Variants in VPS13C observed in about 807,000 individuals in gnomAD.
VPS13C encodes the protein intermembrane lipid transfer protein VPS13C.
VPS13C carries 358 observed loss-of-function variants against 456.8 expected under a neutral mutation model. That is an observed-to-expected ratio of 0.78 (90% CI 0.72 to 0.86). The LOEUF is 0.86. Among genes scored for constraint, VPS13C ranks in the 40% least tolerant of loss-of-function variants. The pLI, the probability that VPS13C is intolerant of heterozygous loss-of-function variation, is 0.00. For synonymous variants in VPS13C, 1,578 were observed against 1,486.7 expected (o/e 1.06, Z -1.41); for missense variants, 4,818 against 4,385.4 (o/e 1.10, Z -2.79).
In VPS13C at chr15:61,931,349, G is replaced by A. The variant is rs1230604195; in HGVS notation, c.5869-90C>T. Reference sequence around the variant, plus strand: ...ATATTACTTAATTCAAAACTTAAAGGCAAACTGATCTCATGAATTTTAAAA... The same window carrying A: ...ATATTACTTAATTCAAAACTTAAAGACAAACTGATCTCATGAATTTTAAAA... On this transcript the variant is annotated intron_variant, in intron 49 of 84. Coordinates refer to ENST00000644861, the MANE Select transcript of VPS13C (RefSeq NM_020821.3). 3.1e-6 allele frequency: 4 copies of A among 1,293,438 alleles called. No homozygotes were observed. In the Admixed American group the frequency reaches 8.5e-5, roughly 27 times the overall value. The allele number at this position is 1,293,438 out of a possible 1,614,324, so 80.1% of individuals were successfully genotyped here.
intron 45 of VPS13C, among the ~76,000 whole-genome samples, chr15:61,944,758 C>T (rs972334087): frequency 6.6e-6 from 1 of 151,986 alleles, no homozygotes; most frequent in South Asian, 2.1e-4. Flanking sequence ...CCCATGTATG[C>T]CCTGAATCTA....
chr15:61,941,983 T>G lies in VPS13C; in HGVS notation c.5233A>C (p.Lys1745Gln), dbSNP rs759925994. 6.2e-7 allele frequency: 1 copy of G among 1,614,052 alleles called. No homozygotes were observed. The highest frequency in any genetic ancestry group is 8.5e-7 in the Non-Finnish European group (1 of 1,179,920). ...CGGAAACTCTTTTGAGCCAAGTCTT[T>G]CATGCTGGAAGCAGCTCTTTCTGCA... ...QAAERAASSM[K>Q]DLAQKSFRLL... Residue 1745 changes from lysine (K) to glutamine (Q), a missense_variant, in exon 46 of 85, where the codon AAA (lysine) becomes CAA (glutamine). By Grantham distance (53) the Lys-to-Gln change is moderately conservative. Around this residue, in one of 3 missense-constraint regions of VPS13C, gnomAD observed 4,552 missense variants for 4,130.6 expected, o/e 1.10. Coordinates refer to ENST00000644861, the MANE Select transcript of VPS13C (RefSeq NM_020821.3).
intron 42 of VPS13C, 46 bp from the exon 43 acceptor site, chr15:61,947,355 T>C (rs2044640828): frequency 3.0e-6 from 4 of 1,348,636 alleles, no homozygotes; most frequent in Non-Finnish European, 3.1e-6. Context: ...GAAAAGATAA[T>C]ACAACACATA....
chr15:61,930,131 A>G (rs1300141970), intron 50 of VPS13C, among the ~76,000 whole-genome samples: 1 of 152,226 alleles, frequency 6.6e-6, no homozygotes, highest in Non-Finnish European at 1.5e-5. Flanking sequence ...GCCTTTTAAT[A>G]TTATTTATGA....
intron 66 of VPS13C, among the ~76,000 whole-genome samples, chr15:61,906,466 G>A (rs1344203658): frequency 6.6e-6 from 1 of 152,250 alleles, no homozygotes; most frequent in East Asian, 1.9e-4. Context: ...CTTCTCTCTA[G>A]TATCTACATG....
chr15:61,891,617 T>C (rs1232444706), intron 66 of VPS13C, among the ~76,000 whole-genome samples: 2 of 152,236 alleles, frequency 1.3e-5, no homozygotes, highest in African/African-American at 2.4e-5. Context: ...CAGGTAATTG[T>C]GTTTCAGTTA....
intron 21 of VPS13C, 124 bp from the exon 22 acceptor site, chr15:61,981,602 T>C: frequency 1.0e-6 from 1 of 970,736 alleles, no homozygotes; most frequent in South Asian, 2.1e-5. Flanking sequence ...GGCTCACGCC[T>C]GTCATCCCAG....
intron 22 of VPS13C, among the ~76,000 whole-genome samples, chr15:61,980,559 T>C (rs955307624): frequency 6.6e-6 from 1 of 152,192 alleles, no homozygotes; most frequent in Non-Finnish European, 1.5e-5. Context: ...TTGTATAAGA[T>C]TTCCTATGAG....
chr15:61,959,263 G>A (rs2045112244), intron 36 of VPS13C, among the ~76,000 whole-genome samples, 185 bp downstream of exon 36: 1 of 151,932 alleles, frequency 6.6e-6, no homozygotes, highest in Admixed American at 6.6e-5. Flanking sequence ...AAATTTTAAA[G>A]TTAAGAAATC....
rs67220908 is a variant in VPS13C, at chr15:62,012,221, G to GACACAC, written c.826-63_826-58dup. ...GAAAATGCACACATATTCAGACTCA[G>GACACAC]ACACACACACACACACACACACACA... On this transcript the variant is annotated intron_variant, in intron 11 of 84. Transcript: ENST00000644861. 18,664 of 510,154 alleles carry GACACAC rather than the reference G, an allele frequency of 0.037. 309 individuals carry two copies. Among genetic ancestry groups the GACACAC allele is most frequent in the Middle Eastern group, 0.045 (131 of 2,918 alleles). The allele number at this position is 510,154 out of a possible 1,614,324, so 31.6% of individuals were successfully genotyped here. A position where few individuals can be genotyped will look rare whatever the true frequency, so the allele number is the denominator to read the frequency against.
At chr15:61,966,240 G>A in intron 29 of VPS13C, 98 bp from the exon 30 acceptor site, 4 of 738,762 alleles carry the variant, frequency 5.4e-6, no homozygotes, top group Non-Finnish European at 8.5e-6. Flanking sequence ...AGTTATAAAT[G>A]TATTTTATAT....
intron 9 of VPS13C, among the ~76,000 whole-genome samples, chr15:62,017,513 G>A (rs1411170094): frequency 6.6e-6 from 1 of 152,158 alleles, no homozygotes; most frequent in Non-Finnish European, 1.5e-5. Context: ...TGGCTAGCCA[G>A]TTTTCCCAGC....
chr15:61,897,984 T>C lies in VPS13C; in HGVS notation c.9106-7584A>G, dbSNP rs545713650. On this transcript the variant is annotated intron_variant, in intron 66 of 84. Transcript: ENST00000644861. Reference sequence around the variant, plus strand: ...AAGAAAAGAATTTTCAACCCAGAATTTCATATCCAGCCAAACTAAGCTTCA... The same window carrying C: ...AAGAAAAGAATTTTCAACCCAGAATCTCATATCCAGCCAAACTAAGCTTCA... Among the ~76,000 whole-genome samples the C allele has an allele frequency of 3.9e-5, 6 of 152,178 alleles. No homozygotes were observed. The East Asian group carries it at 1.2e-3, about 29-fold the overall frequency.
At chr15:61,857,172 A>C (rs976765028) in intron 82 of VPS13C, among the ~76,000 whole-genome samples, 14 of 152,326 alleles carry the variant, frequency 9.2e-5, no homozygotes, top group African/African-American at 3.4e-4. Context: ...TTAGGGTGCC[A>C]GAGAAACAAG....
chr15:62,012,184 G>A lies in VPS13C; in HGVS notation c.826-20C>T, dbSNP rs1169842723. On this transcript the variant is annotated intron_variant, in intron 11 of 84. Coordinates refer to ENST00000644861, the MANE Select transcript of VPS13C (RefSeq NM_020821.3). ...CTGATCCTAAACAAAAAATTTGAATGAGAATGAAAAAGAAAATGCACACAT... is the reference window on the plus strand; with the variant it reads ...CTGATCCTAAACAAAAAATTTGAATAAGAATGAAAAAGAAAATGCACACAT... The A allele has an allele frequency of 4.1e-6, 6 of 1,465,778 alleles. No individual in the cohort carries two copies. Among genetic ancestry groups the A allele is most frequent in the Admixed American group, 3.5e-5 (2 of 57,850 alleles). 90.8% of individuals were successfully genotyped at this position (1,465,778 alleles called of 1,614,324 possible). A position where few individuals can be genotyped will look rare whatever the true frequency, so the allele number is the denominator to read the frequency against.
rs1321610897 is a variant in VPS13C at position 61,853,578 on chromosome 15, G to A, written c.*879C>T. 6.6e-6 allele frequency: 1 copy of A among 151,956 alleles called. No individual in the cohort carries two copies. The highest frequency in any genetic ancestry group is 1.5e-5 in the Non-Finnish European group (1 of 67,986). The allele number at this position is 151,956 out of a possible 1,614,324, so 9.4% of individuals were successfully genotyped here. On this transcript the variant is annotated 3_prime_UTR_variant, in exon 85 of 85. Transcript: ENST00000644861. Reference sequence around the variant, plus strand: ...CAAAGTAAAATATGCTTTATTAGGGGGAAAAACAGTGTTTTCATGAAAAGA... The same window carrying A: ...CAAAGTAAAATATGCTTTATTAGGGAGAAAAACAGTGTTTTCATGAAAAGA...
chr15:62,051,055 T>C (rs2048601122), intron 1 of VPS13C, among the ~76,000 whole-genome samples: 1 of 152,160 alleles, frequency 6.6e-6, no homozygotes, highest in Non-Finnish European at 1.5e-5. Context: ...AAGAATGGCT[T>C]TTTAAATACA....
chr15:62,024,205 A>G (rs2047556821), intron 6 of VPS13C, among the ~76,000 whole-genome samples: 1 of 152,098 alleles, frequency 6.6e-6, no homozygotes, highest in African/African-American at 2.4e-5. Context: ...CAATGACAGA[A>G]TATAAAACTT....
rs1197123438 is a variant in VPS13C, at chr15:61,900,470, C to T, written c.9105+6794G>A. On this transcript the variant is annotated intron_variant, in intron 66 of 84. Transcript: ENST00000644861. The stretch of plus-strand genomic sequence containing the variant: ...CACAAGTATTCTTATACACCAACAA[C>T]AGACAGAGAGCCAAATCATGAGTGA... Among the ~76,000 whole-genome samples the T allele has an allele frequency of 1.5e-4, 23 of 152,268 alleles. No homozygotes were observed. The East Asian group carries it at 3.1e-3, about 20-fold the overall frequency.
Sources: gnomAD v4.1 joint callset for allele counts (sites outside exome capture counted in the v4.1 genomes callset) on GRCh38, gnomAD v4.1.1 for gene constraint, gnomAD v4.1.1 regional missense constraint, MANE v1.5 for transcripts, NCBI Gene and HGNC (gene_info 2026-07-23, HGNC 2026-07-21) for gene names.